Variants in HOMER1 observed in about 807,000 individuals in gnomAD.
HOMER1 encodes the protein homer protein homolog 1.
HOMER1 carries 3 observed loss-of-function variants against 48.9 expected under a neutral mutation model. The observed-to-expected ratio is 0.06, with a 90% CI of 0.03 to 0.16. The LOEUF is 0.16. HOMER1 is among the 10% of genes least tolerant of loss of function. The probability of loss-of-function intolerance (pLI) is 1.00; values close to 1 mark genes in which losing one functional copy is unlikely to be tolerated. For synonymous variants in HOMER1, 134 were observed against 146.4 expected (o/e 0.92, Z 0.61); for missense variants, 247 against 411.4 (o/e 0.60, Z 3.46).
intron 7 of HOMER1, 28 bp from the exon 8 acceptor site, chr5:79,396,931 A>T: frequency 1.6e-6 from 2 of 1,251,624 alleles, no homozygotes; most frequent in Non-Finnish European, 2.3e-6. Context: ...ATGTCTTAAC[A>T]TTCAAACTAT....
chr5:79,443,727 G>A (rs1196367902), intron 4 of HOMER1, among the ~76,000 whole-genome samples: 1 of 152,046 alleles, frequency 6.6e-6, no homozygotes, highest in Non-Finnish European at 1.5e-5. Flanking sequence ...TCATTTTATA[G>A]AGGAAGAAAA....
At chr5:79,387,303 T>C (rs903052938) in intron 8 of HOMER1, among the ~76,000 whole-genome samples, 1 of 151,988 alleles carries the variant, frequency 6.6e-6, no homozygotes. Flanking sequence ...ATTTTTAAAA[T>C]ATTTTTGTGG....
intron 1 of HOMER1, among the ~76,000 whole-genome samples, chr5:79,474,706 A>G (rs1001569000): frequency 2.0e-5 from 3 of 152,054 alleles, no homozygotes; most frequent in African/African-American, 7.2e-5. Flanking sequence ...CTTTTCAACA[A>G]TGTGTCTTCA....
chr5:79,438,673 G>A (rs1561364081), intron 5 of HOMER1, among the ~76,000 whole-genome samples: 1 of 152,072 alleles, frequency 6.6e-6, no homozygotes. Flanking sequence ...GGTTAATAAA[G>A]GAGGCCTTTT....
chr5:79,447,794 G>T (rs1750924466), intron 3 of HOMER1, among the ~76,000 whole-genome samples: 4 of 152,032 alleles, frequency 2.6e-5, no homozygotes, highest in Non-Finnish European at 5.9e-5. Flanking sequence ...GGAACTCATA[G>T]GAAACTATAA....
At chr5:79,507,066 A>G (rs1182456629) in intron 1 of HOMER1, among the ~76,000 whole-genome samples, 2 of 151,768 alleles carry the variant, frequency 1.3e-5, no homozygotes, top group Non-Finnish European at 2.9e-5. Context: ...TGCAAAAATT[A>G]GCCAGGTGTG....
chr5:79,509,357 G>A (rs1433803351), intron 1 of HOMER1, among the ~76,000 whole-genome samples: 1 of 152,186 alleles, frequency 6.6e-6, no homozygotes, highest in Non-Finnish European at 1.5e-5. Flanking sequence ...GATGGCACTA[G>A]GTTGCCAAAA....
At chr5:79,412,382 C>T (rs1749834801) in intron 5 of HOMER1, among the ~76,000 whole-genome samples, 1 of 152,176 alleles carries the variant, frequency 6.6e-6, no homozygotes, top group African/African-American at 2.4e-5. Context: ...GTGAGATAAG[C>T]TCAGGAAAGC....
chr5:79,437,227 A>G (rs1176419123), intron 5 of HOMER1, among the ~76,000 whole-genome samples: 1 of 152,238 alleles, frequency 6.6e-6, no homozygotes, highest in Non-Finnish European at 1.5e-5. Context: ...TTATTTCTAA[A>G]TGCTACAGTA....
At chr5:79,420,079 A>G (rs893270065) in intron 5 of HOMER1, among the ~76,000 whole-genome samples, 3 of 152,254 alleles carry the variant, frequency 2.0e-5, no homozygotes, top group African/African-American at 4.8e-5. Context: ...ACAACTAAAT[A>G]GGCTATCAGT....
Position 79,419,609 on chromosome 5 carries a change from G to A in HOMER1, c.528-17554C>T, listed in dbSNP as rs577687625. Among the ~76,000 whole-genome samples, 316 of 151,738 alleles carry A rather than the reference G, an allele frequency of 2.1e-3. 1 individual carries two copies. Among genetic ancestry groups the A allele is most frequent in the Admixed American group, 4.1e-3 (63 of 15,242 alleles). On this transcript the variant is annotated intron_variant, in intron 5 of 8. Coordinates refer to ENST00000334082, the MANE Select transcript of HOMER1 (RefSeq NM_004272.5). ...AAAGCCTTAGGAGACATTCTATATA[G>A]ATCTGGAAGCGTATCTGCCATGCTG... is the stretch of plus-strand genomic sequence containing the variant.
intron 8 of HOMER1, among the ~76,000 whole-genome samples, chr5:79,380,626 C>T (rs1189429598): frequency 1.3e-5 from 2 of 152,226 alleles, no homozygotes; most frequent in East Asian, 1.9e-4. Flanking sequence ...CCCCTACCTA[C>T]CATGGCTGGC....
At chr5:79,384,573 A>C (rs1248837623) in intron 8 of HOMER1, among the ~76,000 whole-genome samples, 2 of 152,200 alleles carry the variant, frequency 1.3e-5, no homozygotes, top group Non-Finnish European at 2.9e-5. Context: ...AAAACAATAA[A>C]TAACTAATAC....
At chr5:79,452,246 C>T (rs1437340568) in intron 2 of HOMER1, among the ~76,000 whole-genome samples, 1 of 152,166 alleles carries the variant, frequency 6.6e-6, no homozygotes, top group Non-Finnish European at 1.5e-5. Context: ...GGTATAGATT[C>T]ATGATATTGA....
In HOMER1 at chr5:79,397,605, T is replaced by G. The variant is rs754316456; in HGVS notation, c.717A>C (p.Ala239=). 1 of 1,609,538 alleles carries G rather than the reference T, an allele frequency of 6.2e-7. No individual in the cohort carries two copies. Among genetic ancestry groups the G allele is most frequent in the South Asian group, 1.1e-5 (1 of 90,414 alleles). ...VTELECVSSQ[A]NAVHTHKTEL... ...CTGTCTTATGAGTATGTACTGCATT[T>G]GCTTGGCTACTAACACATTCAAGTT... Residue 239 remains alanine, a synonymous_variant, in exon 7 of 9, where the codon GCA becomes GCC. Transcript: ENST00000334082.
chr5:79,464,223 A>G (rs1466842249), intron 1 of HOMER1, among the ~76,000 whole-genome samples: 1 of 152,210 alleles, frequency 6.6e-6, no homozygotes, highest in African/African-American at 2.4e-5. Flanking sequence ...ACTGAGAGGA[A>G]TAAGGGAAAG....
intron 1 of HOMER1, among the ~76,000 whole-genome samples, chr5:79,473,264 T>C (rs1751671226): frequency 6.6e-6 from 1 of 152,242 alleles, no homozygotes; most frequent in African/African-American, 2.4e-5. Flanking sequence ...CCAGACAGCT[T>C]TGAATGTGGC....
chr5:79,450,826 C>G (rs566115219), intron 3 of HOMER1, among the ~76,000 whole-genome samples, 164 bp downstream of exon 3: 15 of 152,310 alleles, frequency 9.8e-5, no homozygotes, highest in African/African-American at 3.4e-4. Flanking sequence ...CAAGTGACAG[C>G]AGAATCTAAT....
intron 5 of HOMER1, among the ~76,000 whole-genome samples, chr5:79,423,627 G>A (rs7708006): frequency 0.84 from 128,110 of 152,066 alleles, 54,616 homozygotes; most frequent in East Asian, 1. Flanking sequence ...TAACATTATC[G>A]GTGTTTTAAT....
Sources: gnomAD v4.1 joint callset for allele counts (sites outside exome capture counted in the v4.1 genomes callset) on GRCh38, gnomAD v4.1.1 for gene constraint, MANE v1.5 for transcripts, NCBI Gene and HGNC (gene_info 2026-07-23, HGNC 2026-07-21) for gene names.